HS3ST5: variants seen among roughly 807,000 people sequenced by gnomAD.
The protein encoded by HS3ST5 is heparan sulfate glucosamine 3-O-sulfotransferase 5.
In HS3ST5, 10 loss-of-function variants were observed where a neutral mutation model predicts 25.4. The observed-to-expected ratio is 0.39, with a 90% CI of 0.24 to 0.67. HS3ST5 has a LOEUF of 0.67. Among genes scored for constraint, HS3ST5 ranks in the 30% least tolerant of loss-of-function variants. The pLI is 0.44. For synonymous variants in HS3ST5, 170 were observed against 162.4 expected (o/e 1.05, Z -0.36); for missense variants, 324 against 420.7 (o/e 0.77, Z 2.01).
intron 2 of HS3ST5, among the ~76,000 whole-genome samples, chr6:114,226,055 C>T (rs1199605016): frequency 2.6e-5 from 4 of 151,866 alleles, no homozygotes; most frequent in South Asian, 2.1e-4. Flanking sequence ...GTAGGCCAAC[C>T]GCAGCTGGTT....
At chr6:114,337,280 C>A (rs1006763095) in intron 1 of HS3ST5, among the ~76,000 whole-genome samples, 2 of 152,166 alleles carry the variant, frequency 1.3e-5, no homozygotes. Context: ...ATGTGGAATG[C>A]TCTGCTTCAG....
chr6:114,084,804 CTT>C (rs1207953802), intron 3 of HS3ST5: 1 of 693,616 alleles, frequency 1.4e-6, no homozygotes, highest in African/African-American at 1.8e-5. Context: ...TTTTCAAACT[CTT>C]AGAAAATTTC....
At chr6:114,239,027 GCA>G (rs1771983833) in intron 1 of HS3ST5, 1 of 152,138 alleles carries the variant, frequency 6.6e-6, no homozygotes, top group African/African-American at 2.4e-5. Flanking sequence ...ACTTTTCTAA[GCA>G]CTCCGTATAT....
At chr6:114,341,568 C>A (rs1411373364) in intron 1 of HS3ST5, among the ~76,000 whole-genome samples, 1 of 150,488 alleles carries the variant, frequency 6.6e-6, no homozygotes, top group Non-Finnish European at 1.5e-5. Context: ...ACAGTATGAC[C>A]ACCCTTCGAC....
chr6:114,117,447 A>C (rs1373126750), intron 3 of HS3ST5, among the ~76,000 whole-genome samples: 3 of 152,164 alleles, frequency 2.0e-5, no homozygotes, highest in Non-Finnish European at 4.4e-5. Context: ...TTTGAACCTC[A>C]GTCTTCTCTT....
At chr6:114,150,765 A>G (rs1778409163) in intron 3 of HS3ST5, among the ~76,000 whole-genome samples, 1 of 152,242 alleles carries the variant, frequency 6.6e-6, no homozygotes, top group Admixed American at 6.5e-5. Flanking sequence ...TCCTGAAAGA[A>G]AGCCTTATCA....
chr6:114,114,303 C>T (rs942996134), intron 3 of HS3ST5, among the ~76,000 whole-genome samples: 2 of 152,106 alleles, frequency 1.3e-5, no homozygotes, highest in Non-Finnish European at 2.9e-5. Flanking sequence ...GCAATGCACT[C>T]ACCTTCTACT....
intron 2 of HS3ST5, among the ~76,000 whole-genome samples, chr6:114,187,855 A>T (rs1780299187): frequency 6.6e-6 from 1 of 152,186 alleles, no homozygotes; most frequent in Non-Finnish European, 1.5e-5. Flanking sequence ...ACCTTCAGCG[A>T]CCACAGACCT....
chr6:114,302,019 C>T (rs753715510), intron 1 of HS3ST5, among the ~76,000 whole-genome samples: 2 of 152,182 alleles, frequency 1.3e-5, no homozygotes, highest in Non-Finnish European at 2.9e-5. Context: ...AGTTTACTCT[C>T]CAAGCTGCAA....
intron 3 of HS3ST5, among the ~76,000 whole-genome samples, chr6:114,157,338 C>T (rs1778746568): frequency 6.6e-6 from 1 of 152,144 alleles, no homozygotes; most frequent in South Asian, 2.1e-4. Flanking sequence ...TTACTTTGTT[C>T]CTAATATACA....
At chr6:114,219,062 G>T (rs1484833692) in intron 2 of HS3ST5, among the ~76,000 whole-genome samples, 1 of 152,196 alleles carries the variant, frequency 6.6e-6, no homozygotes, top group Non-Finnish European at 1.5e-5. Flanking sequence ...CTTTCCCACA[G>T]CAATTTAGTA....
chr6:114,232,975 A>C (rs1279359761), intron 1 of HS3ST5, among the ~76,000 whole-genome samples: 2 of 152,122 alleles, frequency 1.3e-5, no homozygotes, highest in Admixed American at 6.5e-5. Context: ...TCTCAGGCTA[A>C]AGAAAGATAA....
At chr6:114,317,870 A>T (rs1300883089) in intron 1 of HS3ST5, among the ~76,000 whole-genome samples, 1 of 152,088 alleles carries the variant, frequency 6.6e-6, no homozygotes, top group Non-Finnish European at 1.5e-5. Context: ...TAGCGATCTG[A>T]CTACCCCATC....
rs996920582 is a variant in HS3ST5, at chr6:114,314,083, G to T, written c.-339+28112C>A. ...TGGGATTACAGGCATGCCCCACCAC[G>T]CCTGGCTAATATTTTGTATTTCTTT... On this transcript the variant is annotated intron_variant, in intron 1 of 4. Transcript: ENST00000312719. 3.9e-5 allele frequency among the ~76,000 whole-genome samples: 6 copies of T among 152,216 alleles called. No homozygotes were observed. In the South Asian group the frequency reaches 8.3e-4, roughly 21 times the overall value.
intron 2 of HS3ST5, among the ~76,000 whole-genome samples, chr6:114,184,491 A>T (rs1780123124): frequency 6.6e-6 from 1 of 152,198 alleles, no homozygotes; most frequent in Non-Finnish European, 1.5e-5. Flanking sequence ...AAAGAGAAAG[A>T]GATGGAAAAA....
intron 1 of HS3ST5, among the ~76,000 whole-genome samples, chr6:114,341,225 G>A (rs1490077247): frequency 1.7e-5 from 2 of 118,206 alleles, no homozygotes; most frequent in Admixed American, 1.6e-4. Flanking sequence ...GAGAGGGGGA[G>A]AGAGAGAGAG....
At chr6:114,254,265 G>C (rs952967229) in intron 1 of HS3ST5, among the ~76,000 whole-genome samples, 1 of 152,182 alleles carries the variant, frequency 6.6e-6, no homozygotes, top group Non-Finnish European at 1.5e-5. Context: ...CCTCCCAAAT[G>C]AATGTGTTTA....
chr6:114,157,054 C>T (rs1336527812), intron 3 of HS3ST5, among the ~76,000 whole-genome samples: 1 of 152,192 alleles, frequency 6.6e-6, no homozygotes, highest in South Asian at 2.1e-4. Flanking sequence ...TCAACCTTAA[C>T]ATGCCCAGTG....
intron 1 of HS3ST5, among the ~76,000 whole-genome samples, chr6:114,326,389 CAAACAAAACA>C (rs57982006): frequency 6.6e-6 from 1 of 151,756 alleles, no homozygotes; most frequent in Admixed American, 6.6e-5. Context: ...GACTCTGTCT[CAAACAAAACA>C]AAACAAAACA....
Sources: gnomAD v4.1 joint callset for allele counts (sites outside exome capture counted in the v4.1 genomes callset) on GRCh38, gnomAD v4.1.1 for gene constraint, MANE v1.5 for transcripts, NCBI Gene and HGNC (gene_info 2026-07-23, HGNC 2026-07-21) for gene names.